RNF128: variants seen among roughly 807,000 people sequenced by gnomAD.
RNF128 encodes the protein ring finger protein 128.
In RNF128, 13 loss-of-function variants were observed where a neutral mutation model predicts 26.2. The observed-to-expected ratio is 0.50, with a 90% CI of 0.32 to 0.79. The LOEUF is 0.79. Ranked by LOEUF, RNF128 falls within the 30% of genes least tolerant of loss-of-function variation. RNF128 has a pLI of 0.03. For synonymous variants in RNF128, 149 were observed against 142.5 expected (o/e 1.05, Z -0.32); for missense variants, 315 against 349.7 (o/e 0.90, Z 0.79).
intron 1 of RNF128, among the ~76,000 whole-genome samples, chrX:106,743,816 C>A (rs1384342667): frequency 9.0e-6 from 1 of 111,217 alleles, no homozygotes; most frequent in African/African-American, 3.3e-5. Flanking sequence ...ATGTTTATTG[C>A]AGCACTATTC....
At chrX:106,774,761 C>G (rs1269340350) in intron 2 of RNF128, among the ~76,000 whole-genome samples, 2 of 111,739 alleles carry the variant, frequency 1.8e-5, no homozygotes, top group Admixed American at 1.9e-4. Context: ...CTTTAGAAAG[C>G]TCAGTAGGGA....
chrX:106,714,244 TA>T (rs1324697867), intron 1 of RNF128, among the ~76,000 whole-genome samples: 1 of 110,723 alleles, frequency 9.0e-6, no homozygotes, highest in African/African-American at 3.3e-5. Context: ...GACACAAAGT[TA>T]AAACTAGAAA....
chrX:106,789,346 ATAT>A (rs1323457679), intron 4 of RNF128, among the ~76,000 whole-genome samples: 61 of 97,079 alleles, frequency 6.3e-4, no homozygotes, highest in African/African-American at 2.2e-3. Flanking sequence ...ATGTGTATTT[ATAT>A]TATATTATGT....
chrX:106,739,253 G>C (rs1256890678), intron 1 of RNF128, among the ~76,000 whole-genome samples: 1 of 109,856 alleles, frequency 9.1e-6, no homozygotes, highest in Non-Finnish European at 1.9e-5. Flanking sequence ...TCTACATCCC[G>C]GGTTCAAGCG....
chrX:106,758,141 C>A (rs187951496), intron 1 of RNF128, among the ~76,000 whole-genome samples: 14 of 112,159 alleles, frequency 1.2e-4, no homozygotes, highest in Non-Finnish European at 1.7e-4. Flanking sequence ...GCCAATGGCA[C>A]ACAATCTGAA....
At chrX:106,739,047 C>T (rs751879833) in intron 1 of RNF128, among the ~76,000 whole-genome samples, 95 of 111,609 alleles carry the variant, frequency 8.5e-4, no homozygotes, top group Non-Finnish European at 1.5e-3. Flanking sequence ...ACTTAACATC[C>T]GAAATACGAT....
intron 4 of RNF128, 32 bp from the exon 5 acceptor site, chrX:106,790,154 C>G (rs1396546736): frequency 3.1e-6 from 3 of 969,044 alleles, no homozygotes; most frequent in South Asian, 4.1e-5. Flanking sequence ...TGCTACTTTA[C>G]AACTGATAAT....
chrX:106,746,536 A>T (rs1050022865), intron 1 of RNF128, among the ~76,000 whole-genome samples: 4 of 111,327 alleles, frequency 3.6e-5, no homozygotes, highest in African/African-American at 1.3e-4. Context: ...GAAGGAAATG[A>T]AAGAAGTTGG....
upstream of RNF128, among the ~76,000 whole-genome samples, chrX:106,724,835 T>C (rs1569437229): frequency 1.8e-5 from 2 of 112,082 alleles, no homozygotes; most frequent in South Asian, 3.8e-4. Flanking sequence ...ATTTTACTTG[T>C]CCTTCTCATC....
chrX:106,773,203 G>A (rs773437178), intron 2 of RNF128, 43 bp downstream of exon 2: 3 of 1,143,975 alleles, frequency 2.6e-6, no homozygotes, highest in Non-Finnish European at 3.5e-6. Context: ...AAAATTTACT[G>A]TTCTAATTGT....
intron 1 of RNF128, among the ~76,000 whole-genome samples, chrX:106,763,728 G>C (rs771206732): frequency 9.0e-6 from 1 of 110,598 alleles, no homozygotes; most frequent in African/African-American, 3.3e-5. Context: ...GGATGGTCTC[G>C]ATCTCCTGAT....
upstream of RNF128, among the ~76,000 whole-genome samples, chrX:106,725,467 A>T (rs977849699): frequency 8.0e-5 from 9 of 111,923 alleles, no homozygotes; most frequent in African/African-American, 2.9e-4. Context: ...AATTGATCAG[A>T]AATTTAACAA....
At chrX:106,701,121 A>G (rs1928949391) in intron 1 of RNF128, among the ~76,000 whole-genome samples, 2 of 111,807 alleles carry the variant, frequency 1.8e-5, no homozygotes, top group South Asian at 7.4e-4. Context: ...TAATTCATCC[A>G]TTGATTCTCT....
exon 1 of RNF128, chrX:106,694,022 C>T: frequency 2.5e-6 from 3 of 1,199,362 alleles, no homozygotes; most frequent in Non-Finnish European, 3.4e-6. Context: ...GAGAATAGGT[C>T]CAGTTTTTTT....
chrX:106,715,020 A>G (rs2147662914), intron 1 of RNF128, among the ~76,000 whole-genome samples: 1 of 111,932 alleles, frequency 8.9e-6, no homozygotes, highest in Admixed American at 9.5e-5. Flanking sequence ...AAAATTTGTG[A>G]ATGGCTTTCT....
intron 1 of RNF128, among the ~76,000 whole-genome samples, chrX:106,772,420 T>G (rs1051484809): frequency 1.8e-5 from 2 of 111,845 alleles, no homozygotes; most frequent in Non-Finnish European, 3.8e-5. Flanking sequence ...TAAACATTGT[T>G]TGGCTCAAAT....
Position 106,727,357 on chromosome X carries a change from C to T in RNF128, c.444C>T (p.Phe148=). The stretch of plus-strand genomic sequence containing the variant: ...CGTCTGGAGCCGTCATCTTTAACTT[C>T]CCCGGGACCCGCAATGAGGTCATCC... ...RGASGAVIFN[F]PGTRNEVIPM... The change falls in exon 1 of 7, where the codon TTC becomes TTT. Residue 148 remains phenylalanine (F), a synonymous_variant. Transcript: ENST00000255499. 1.7e-6 allele frequency: 2 copies of T among 1,211,510 alleles called. No homozygotes were observed. The highest frequency in any genetic ancestry group is 2.2e-6 in the Non-Finnish European group (2 of 895,346).
At chrX:106,762,236 C>T (rs922002983) in intron 1 of RNF128, among the ~76,000 whole-genome samples, 4 of 110,898 alleles carry the variant, frequency 3.6e-5, no homozygotes, top group African/African-American at 1.3e-4. Flanking sequence ...AGTTTGTACA[C>T]ATTGGCCAAC....
chrX:106,794,175 C>T (rs1045614445), intron 6 of RNF128, among the ~76,000 whole-genome samples: 2 of 110,737 alleles, frequency 1.8e-5, no homozygotes, highest in Non-Finnish European at 3.8e-5. Context: ...ATTTATTGTA[C>T]TATAGGATCC....
Sources: gnomAD v4.1 joint callset for allele counts (sites outside exome capture counted in the v4.1 genomes callset) on GRCh38, gnomAD v4.1.1 for gene constraint, MANE v1.5 for transcripts, NCBI Gene and HGNC (gene_info 2026-07-23, HGNC 2026-07-21) for gene names.